DNAJC6: variants seen among roughly 807,000 people sequenced by gnomAD.
The protein encoded by DNAJC6 is auxilin.
DNAJC6 carries 34 observed loss-of-function variants against 110.0 expected under a neutral mutation model. That is an observed-to-expected ratio of 0.31 (90% CI 0.24 to 0.41). DNAJC6 has a LOEUF of 0.41. DNAJC6 is among the 10% of genes least tolerant of loss of function. The probability of loss-of-function intolerance (pLI) is 1.00; values close to 1 mark genes in which losing one functional copy is unlikely to be tolerated. For synonymous variants in DNAJC6, 406 were observed against 437.2 expected (o/e 0.93, Z 0.89); for missense variants, 1,031 against 1,207.8 (o/e 0.85, Z 2.17).
chr1:65,375,526 C>G (rs896861386), intron 4 of DNAJC6, among the ~76,000 whole-genome samples: 2 of 151,880 alleles, frequency 1.3e-5, no homozygotes, highest in South Asian at 2.1e-4. Context: ...CATGGGTTCA[C>G]GCCATTCTTC....
At chr1:65,335,965 C>G (rs1353024323) in intron 1 of DNAJC6, among the ~76,000 whole-genome samples, 3 of 152,018 alleles carry the variant, frequency 2.0e-5, no homozygotes, top group Non-Finnish European at 4.4e-5. Context: ...TGGCTTAGAC[C>G]AGGTTGGTGG....
At chr1:65,347,540 A>T (rs1042262364) in intron 1 of DNAJC6, among the ~76,000 whole-genome samples, 2 of 151,944 alleles carry the variant, frequency 1.3e-5, no homozygotes. Context: ...TATTATAGAT[A>T]TATATGATAT....
Position 65,389,357 on chromosome 1 carries a change from C to T in DNAJC6, c.1295C>T (p.Thr432Ile). ...CCCCATGACAAAGTAATAGACTTAA[C>T]TCCACCATGGGAACATTACTGCACA... ...LQPHDKVIDLTPPWEHYCTKD... is the reference protein window; with the variant it reads ...LQPHDKVIDLIPPWEHYCTKD... The change falls in exon 10 of 19, where the codon ACT becomes ATT. Residue 432 changes from threonine to isoleucine, a missense_variant. By Grantham distance (89) the Thr-to-Ile change is moderately conservative. Coordinates refer to ENST00000371069, the MANE Select transcript of DNAJC6 (RefSeq NM_001256864.2). 1 of 1,614,172 alleles carries T rather than the reference C, an allele frequency of 6.2e-7. No homozygotes were observed. Among genetic ancestry groups the T allele is most frequent in the Non-Finnish European group, 8.5e-7 (1 of 1,180,012 alleles).
intron 6 of DNAJC6, among the ~76,000 whole-genome samples, chr1:65,385,090 A>G (rs1284836294): frequency 2.0e-5 from 3 of 152,202 alleles, no homozygotes; most frequent in Non-Finnish European, 2.9e-5. Context: ...ATTGAAAAAC[A>G]GCAGTAGCTG....
At chr1:65,335,977 A>G (rs538502668) in intron 1 of DNAJC6, among the ~76,000 whole-genome samples, 1 of 152,324 alleles carries the variant, frequency 6.6e-6, no homozygotes, top group South Asian at 2.1e-4. Context: ...GGTTGGTGGC[A>G]CTATAGGCAG....
chr1:65,380,183 T>C (rs1224435152), intron 5 of DNAJC6, among the ~76,000 whole-genome samples: 2 of 152,228 alleles, frequency 1.3e-5, no homozygotes, highest in Admixed American at 1.3e-4. Flanking sequence ...CTGCATATTT[T>C]CCCACTAGAC....
intron 1 of DNAJC6, among the ~76,000 whole-genome samples, chr1:65,273,366 AG>A (rs1653567833): frequency 6.6e-6 from 1 of 152,186 alleles, no homozygotes. Context: ...TTGGAGGCCG[AG>A]GCAGGTGGAT....
chr1:65,412,951 G>A lies in DNAJC6; in HGVS notation c.2839G>A (p.Ala947Thr), dbSNP rs755391548. 1.2e-5 allele frequency: 19 copies of A among 1,613,782 alleles called. No homozygotes were observed. The highest frequency in any genetic ancestry group is 8.9e-5 in the East Asian group (4 of 44,876). ...TACTGGGCAACCCTATGAACAATAC[G>A]CAAAGATGATTTTCATGGAGCTCAA... is the stretch of plus-strand genomic sequence containing the variant. Reference protein sequence around the residue: ...KATGQPYEQYAKMIFMELNDA... With the variant: ...KATGQPYEQYTKMIFMELNDA... Residue 947 changes from alanine (A) to threonine (T), a missense_variant, in exon 19 of 19, where the codon GCA (alanine) becomes ACA (threonine). Coordinates refer to ENST00000371069, the MANE Select transcript of DNAJC6 (RefSeq NM_001256864.2).
intron 4 of DNAJC6, among the ~76,000 whole-genome samples, chr1:65,373,617 G>C (rs1490209582): frequency 7.5e-6 from 1 of 134,068 alleles, no homozygotes; most frequent in African/African-American, 2.7e-5. Flanking sequence ...CTTTTGCCCA[G>C]TTTTTAATTT....
At chr1:65,306,953 ACTCTCTCTCTCAATCTGTTTCTCT>A (rs1344334441), upstream of DNAJC6, among the ~76,000 whole-genome samples, 3 of 127,634 alleles carry the variant, frequency 2.4e-5, no homozygotes, top group African/African-American at 9.0e-5. Flanking sequence ...GTTAAGTACT[ACTCTCTCTCTCAATCTGTTTCTCT>A]CTCTCTCTCT....
At position 65,286,954 on chromosome 1, in the gene DNAJC6, A is replaced by G. The variant is rs568178065; in HGVS notation, c.-131+22022A>G. Among the ~76,000 whole-genome samples the G allele has an allele frequency of 1.9e-4, 29 of 152,308 alleles. No homozygotes were observed. In the South Asian group the frequency reaches 6.0e-3, roughly 32 times the overall value. On this transcript the variant is annotated intron_variant, in intron 1 of 19. Transcript: ENST00000263441. ...CCCATATAGGTTTCTTTGATCCCAC[A>G]ACCCATGTTTTCTATGCTGTTTTGC...
chr1:65,282,115 C>A (rs1306084993), intron 1 of DNAJC6, among the ~76,000 whole-genome samples: 1 of 152,086 alleles, frequency 6.6e-6, no homozygotes, highest in Non-Finnish European at 1.5e-5. Flanking sequence ...TTTGTAGAGA[C>A]AAAGTCTCAC....
At chr1:65,292,047 G>A (rs1020503532) in intron 1 of DNAJC6, among the ~76,000 whole-genome samples, 44 of 151,624 alleles carry the variant, frequency 2.9e-4, no homozygotes, top group Middle Eastern at 6.8e-3. Flanking sequence ...ATGGAGTTTC[G>A]CTCTTGTTGC....
chr1:65,355,286 A>AAAAAAG (rs1645532093), intron 1 of DNAJC6, among the ~76,000 whole-genome samples: 2 of 140,448 alleles, frequency 1.4e-5, no homozygotes, highest in African/African-American at 5.4e-5. Context: ...AAAAAAAAAA[A>AAAAAAG]GAAAAAGATT....
chr1:65,297,955 A>C (rs758794271), intron 1 of DNAJC6, among the ~76,000 whole-genome samples: 3 of 151,818 alleles, frequency 2.0e-5, no homozygotes, highest in Non-Finnish European at 4.4e-5. Context: ...AGAAGAACCC[A>C]CTTTAACCCC....
chr1:65,289,173 A>G (rs543722821), intron 1 of DNAJC6, among the ~76,000 whole-genome samples: 1 of 152,250 alleles, frequency 6.6e-6, no homozygotes, highest in South Asian at 2.1e-4. Flanking sequence ...ATCTTTACCA[A>G]CATTTGATAC....
intron 2 of DNAJC6, 25 bp from the exon 3 acceptor site, chr1:65,365,860 G>A: frequency 6.2e-7 from 1 of 1,609,968 alleles, no homozygotes; most frequent in Non-Finnish European, 8.5e-7. Flanking sequence ...ATTTTAATGA[G>A]TGCCCATTTT....
chr1:65,322,329 A>G (rs990069981), intron 1 of DNAJC6, among the ~76,000 whole-genome samples: 4 of 152,158 alleles, frequency 2.6e-5, no homozygotes, highest in African/African-American at 7.2e-5. Context: ...ATTTTTTTCT[A>G]TCTTCTCACA....
intron 1 of DNAJC6, among the ~76,000 whole-genome samples, chr1:65,284,690 T>C (rs1281666642): frequency 6.6e-6 from 1 of 151,990 alleles, no homozygotes; most frequent in Non-Finnish European, 1.5e-5. Flanking sequence ...ACTCACTGTT[T>C]TTTGTTTTTT....
Sources: gnomAD v4.1 joint callset for allele counts (sites outside exome capture counted in the v4.1 genomes callset) on GRCh38, gnomAD v4.1.1 for gene constraint, MANE v1.5 for transcripts, NCBI Gene and HGNC (gene_info 2026-07-23, HGNC 2026-07-21) for gene names.